Variants in JMJD1C observed in about 807,000 individuals in gnomAD.
JMJD1C encodes the protein jumonji domain-containing protein 1C.
In JMJD1C, 31 loss-of-function variants were observed where a neutral mutation model predicts 245.3. The observed-to-expected ratio is 0.13, with a 90% CI of 0.09 to 0.17. JMJD1C has a LOEUF of 0.17. JMJD1C is among the 10% of genes least tolerant of loss of function. JMJD1C has a pLI of 1.00. For synonymous variants in JMJD1C, 1,057 were observed against 1,017.4 expected (o/e 1.04, Z -0.74); for missense variants, 2,691 against 3,000.2 (o/e 0.90, Z 2.41).
intron 1 of JMJD1C, among the ~76,000 whole-genome samples, chr10:63,433,589 T>C (rs1227546986): frequency 5.7e-5 from 8 of 141,294 alleles, no homozygotes; most frequent in African/African-American, 2.3e-4. Context: ...TTCTTTTCTT[T>C]TTTTTTTTTT....
In JMJD1C at chr10:63,217,155, G is replaced by A. The variant is rs1848092565; in HGVS notation, c.678+52C>T. The A allele has an allele frequency of 2.6e-6, 4 of 1,510,708 alleles. No homozygotes were observed. In the East Asian group the frequency reaches 6.8e-5, roughly 26 times the overall value. 93.6% of individuals were successfully genotyped at this position (1,510,708 alleles called of 1,614,324 possible). On this transcript the variant is annotated intron_variant, in intron 5 of 25. Transcript: ENST00000399262. ...ATTGTTGATGTATTTTGGGGGGCAT[G>A]GATGATTTGAACTTTTAAAATCTCT... is the stretch of plus-strand genomic sequence containing the variant.
At chr10:63,297,762 C>T (rs1012159668) in intron 2 of JMJD1C, among the ~76,000 whole-genome samples, 2 of 152,162 alleles carry the variant, frequency 1.3e-5, no homozygotes, top group Non-Finnish European at 2.9e-5. Flanking sequence ...CCAGCTGGAG[C>T]GGGATGGCAG....
chr10:63,251,155 C>T (rs1040464986), intron 3 of JMJD1C, among the ~76,000 whole-genome samples: 1 of 152,116 alleles, frequency 6.6e-6, no homozygotes, highest in Non-Finnish European at 1.5e-5. Context: ...TCTCATATAT[C>T]GTGTTGTTGA....
intron 3 of JMJD1C, among the ~76,000 whole-genome samples, chr10:63,235,557 C>T (rs1486865147): frequency 6.6e-6 from 1 of 152,040 alleles, no homozygotes; most frequent in African/African-American, 2.4e-5. Flanking sequence ...CAGTCAATTC[C>T]CTATTATTCA....
At chr10:63,446,064 A>G (rs1951703237) in intron 1 of JMJD1C, among the ~76,000 whole-genome samples, 2 of 151,726 alleles carry the variant, frequency 1.3e-5, no homozygotes, top group Admixed American at 6.6e-5. Context: ...TTTAGTAGAC[A>G]GAGTTTTGCC....
At chr10:63,258,886 G>C (rs549102129) in intron 3 of JMJD1C, among the ~76,000 whole-genome samples, 10 of 152,278 alleles carry the variant, frequency 6.6e-5, no homozygotes, top group South Asian at 6.2e-4. Flanking sequence ...TTGGTAAAAA[G>C]TAATGCTAGA....
At chr10:63,314,000 C>A (rs1021167780) in intron 2 of JMJD1C, among the ~76,000 whole-genome samples, 5 of 152,178 alleles carry the variant, frequency 3.3e-5, no homozygotes, top group African/African-American at 1.2e-4. Context: ...TTTGCCTAAG[C>A]CAATATCTAG....
At chr10:63,250,981 G>C (rs1234404271) in intron 3 of JMJD1C, among the ~76,000 whole-genome samples, 2 of 152,040 alleles carry the variant, frequency 1.3e-5, no homozygotes, top group East Asian at 3.9e-4. Context: ...AGCCTCAAGT[G>C]ATCCTCCTGT....
intron 3 of JMJD1C, among the ~76,000 whole-genome samples, chr10:63,223,730 T>G (rs1399248949): frequency 1.3e-5 from 2 of 152,120 alleles, no homozygotes; most frequent in African/African-American, 4.8e-5. Context: ...AATCTATTTC[T>G]TCAACATTTA....
chr10:63,295,577 G>A (rs1859282685), intron 2 of JMJD1C, among the ~76,000 whole-genome samples: 1 of 152,044 alleles, frequency 6.6e-6, no homozygotes. Context: ...GCATTAACTA[G>A]ATTTTGAATT....
chr10:63,185,531 A>T (rs767965203), intron 20 of JMJD1C, 32 bp downstream of exon 20: 3 of 1,277,162 alleles, frequency 2.3e-6, no homozygotes. Context: ...TCGATCTCAA[A>T]AAGTCAAGAG....
At chr10:63,410,141 A>C (rs1276264786) in intron 1 of JMJD1C, among the ~76,000 whole-genome samples, 1 of 152,234 alleles carries the variant, frequency 6.6e-6, no homozygotes, top group Non-Finnish European at 1.5e-5. Flanking sequence ...AACGACAAGC[A>C]GACCCTAGGT....
intron 10 of JMJD1C, among the ~76,000 whole-genome samples, chr10:63,202,054 A>G (rs1170095859): frequency 6.6e-6 from 1 of 152,034 alleles, no homozygotes; most frequent in Non-Finnish European, 1.5e-5. Flanking sequence ...CAGGAGTTCA[A>G]GACCAGTCTG....
At chr10:63,401,165 C>A (rs554558127) in intron 1 of JMJD1C, among the ~76,000 whole-genome samples, 6 of 152,250 alleles carry the variant, frequency 3.9e-5, no homozygotes, top group African/African-American at 1.4e-4. Context: ...GGCCTCGTTT[C>A]CTCTCTTGCG....
At chr10:63,346,505 C>G (rs1406827290) in intron 2 of JMJD1C, among the ~76,000 whole-genome samples, 1 of 152,212 alleles carries the variant, frequency 6.6e-6, no homozygotes, top group African/African-American at 2.4e-5. Flanking sequence ...ACCACAGCAG[C>G]CATACTTCAA....
intron 24 of JMJD1C, among the ~76,000 whole-genome samples, chr10:63,171,906 G>C (rs570846825): frequency 7.9e-5 from 12 of 152,126 alleles, no homozygotes; most frequent in Non-Finnish European, 1.6e-4. Context: ...CTCAAATCCA[G>C]GTTAATATTG....
chr10:63,410,492 T>C (rs1949417416), intron 1 of JMJD1C, among the ~76,000 whole-genome samples: 1 of 152,164 alleles, frequency 6.6e-6, no homozygotes, highest in Non-Finnish European at 1.5e-5. Context: ...CCACTGCTAA[T>C]ACCAAGCTGT....
chr10:63,498,241 C>T (rs976150678), intron 1 of JMJD1C, among the ~76,000 whole-genome samples: 1 of 152,140 alleles, frequency 6.6e-6, no homozygotes, highest in African/African-American at 2.4e-5. Flanking sequence ...ATCATGTAGT[C>T]TGCATAAGAA....
chr10:63,256,845 CA>C (rs1160190678), intron 3 of JMJD1C, among the ~76,000 whole-genome samples: 2 of 152,136 alleles, frequency 1.3e-5, no homozygotes, highest in South Asian at 2.1e-4. Context: ...AAAATGAAGG[CA>C]AAGTGAAATG....
Sources: gnomAD v4.1 joint callset for allele counts (sites outside exome capture counted in the v4.1 genomes callset) on GRCh38, gnomAD v4.1.1 for gene constraint, MANE v1.5 for transcripts, NCBI Gene and HGNC (gene_info 2026-07-23, HGNC 2026-07-21) for gene names.